Variants in JAZF1 observed in about 807,000 individuals in gnomAD.
JAZF1 encodes the protein JAZF zinc finger 1.
Under a neutral mutation model 26.4 loss-of-function variants are expected in JAZF1, and 8 were observed. The observed-to-expected ratio is 0.30, with a 90% confidence interval of 0.18 to 0.55. JAZF1 has a LOEUF of 0.55. Among genes scored for constraint, JAZF1 ranks in the 20% least tolerant of loss-of-function variants. The pLI, the probability that JAZF1 is intolerant of heterozygous loss-of-function variation, is 0.94. For missense variants in JAZF1, 199 were observed against 322.0 expected (o/e 0.62, Z 2.92); for synonymous variants, 126 against 122.3 (o/e 1.03, Z -0.20).
At chr7:28,070,570 G>A (rs887754744) in intron 1 of JAZF1, among the ~76,000 whole-genome samples, 14 of 152,176 alleles carry the variant, frequency 9.2e-5, no homozygotes, top group African/African-American at 2.7e-4. Flanking sequence ...CCCCATGTCC[G>A]GCTCCGGGCA....
At chr7:28,105,412 T>C (rs1109483) in intron 1 of JAZF1, among the ~76,000 whole-genome samples, 80,287 of 152,014 alleles carry the variant, frequency 0.53, 22,733 homozygotes, top group Non-Finnish European at 0.63. Context: ...ATTAATCTAA[T>C]TGAGCTGAAC....
intron 1 of JAZF1, among the ~76,000 whole-genome samples, chr7:28,128,025 G>A (rs1782725353): frequency 6.6e-6 from 1 of 152,016 alleles, no homozygotes; most frequent in African/African-American, 2.4e-5. Context: ...CCATTTCGGT[G>A]GCCTACCACT....
intron 1 of JAZF1, among the ~76,000 whole-genome samples, chr7:28,176,420 C>T (rs963930938): frequency 6.6e-6 from 1 of 152,218 alleles, no homozygotes; most frequent in Non-Finnish European, 1.5e-5. Flanking sequence ...ACACCTCCTT[C>T]GAGGTTTTGT....
intron 2 of JAZF1, among the ~76,000 whole-genome samples, chr7:27,950,516 T>C (rs1184889431): frequency 6.6e-6 from 1 of 152,114 alleles, no homozygotes; most frequent in Non-Finnish European, 1.5e-5. Context: ...CACGGGACCT[T>C]TGAGTAGGTC....
At chr7:27,912,092 A>T (rs1784367841) in intron 2 of JAZF1, among the ~76,000 whole-genome samples, 1 of 149,900 alleles carries the variant, frequency 6.7e-6, no homozygotes, top group Non-Finnish European at 1.5e-5. Flanking sequence ...TAGAGGACAT[A>T]AGCATCACGT....
chr7:28,091,124 C>A (rs1035725291), intron 1 of JAZF1, among the ~76,000 whole-genome samples: 12 of 152,080 alleles, frequency 7.9e-5, no homozygotes, highest in African/African-American at 2.6e-4. Flanking sequence ...CCGCGCCCGG[C>A]CTTTTTTTTA....
At chr7:27,914,349 A>G (rs1185214706) in intron 2 of JAZF1, among the ~76,000 whole-genome samples, 1 of 152,114 alleles carries the variant, frequency 6.6e-6, no homozygotes, top group Non-Finnish European at 1.5e-5. Flanking sequence ...GAGGGCACAA[A>G]AAATTCTAAA....
At chr7:27,876,192 C>T (rs902790855) in intron 3 of JAZF1, among the ~76,000 whole-genome samples, 18 of 152,250 alleles carry the variant, frequency 1.2e-4, no homozygotes, top group African/African-American at 4.3e-4. Flanking sequence ...GGCTAACCCT[C>T]TAATGCCTCT....
At chr7:28,046,754 A>G (rs181545313) in intron 1 of JAZF1, among the ~76,000 whole-genome samples, 344 of 152,294 alleles carry the variant, frequency 2.3e-3, no homozygotes, top group Middle Eastern at 0.014. Flanking sequence ...AAGTATTTTG[A>G]TATGTTAAAT....
chr7:28,125,499 C>G (rs977869107), intron 1 of JAZF1, among the ~76,000 whole-genome samples: 3 of 152,198 alleles, frequency 2.0e-5, no homozygotes, highest in Admixed American at 2.0e-4. Flanking sequence ...GCTAAAATTA[C>G]TTAACATGTC....
At position 28,154,945 on chromosome 7, in the gene JAZF1, A is replaced by C. The variant is rs545077377; in HGVS notation, c.115+25518T>G. Among the ~76,000 whole-genome samples the C allele has an allele frequency of 2.0e-5, 3 of 152,302 alleles. No individual in the cohort carries two copies. The East Asian group carries it at 5.8e-4, about 29-fold the overall frequency. On this transcript the variant is annotated intron_variant, in intron 1 of 4. Transcript: ENST00000283928. ...AGAGAAAAAGGCAAAACATTAAAAA[A>C]AAAGAAAAGTAAAAGCTTAGAAGTA...
At chr7:28,022,676 T>C (rs1783025967) in intron 1 of JAZF1, among the ~76,000 whole-genome samples, 1 of 152,236 alleles carries the variant, frequency 6.6e-6, no homozygotes, top group Non-Finnish European at 1.5e-5. Flanking sequence ...TTTGCATATA[T>C]ATTTTTAAAA....
intron 1 of JAZF1, among the ~76,000 whole-genome samples, chr7:28,022,760 G>T (rs1208889383): frequency 6.6e-6 from 1 of 151,836 alleles, no homozygotes; most frequent in Non-Finnish European, 1.5e-5. Context: ...TGTTGTTTTT[G>T]TTGTTGTTTG....
intron 1 of JAZF1, among the ~76,000 whole-genome samples, chr7:28,071,105 G>A (rs1444364648): frequency 2.6e-5 from 4 of 152,144 alleles, no homozygotes; most frequent in East Asian, 1.9e-4. Context: ...AAACGGAATC[G>A]GCTCTGGAGA....
chr7:28,081,214 T>TA (rs1318283119), intron 1 of JAZF1, among the ~76,000 whole-genome samples: 1 of 152,206 alleles, frequency 6.6e-6, no homozygotes, highest in East Asian at 1.9e-4. Flanking sequence ...CCAGTGTTGT[T>TA]ACTCTTCAGT....
rs761995472 is a variant in JAZF1 at position 27,832,831 on chromosome 7, G to A, written c.701C>T (p.Ser234Leu). Residue 234 changes from serine (S) to leucine (L), a missense_variant, in exon 5 of 5, where the codon TCG (serine) becomes TTG (leucine). By Grantham distance (145) the Ser-to-Leu change is moderately radical. This residue lies in a region of JAZF1 where 62 missense variants were observed against 137.2 expected (regional missense o/e 0.45). Transcript: ENST00000283928. ...HHTINFHPPV[S>L]AEIIRKMQQ ...CTGCATCTTCCTGATAATCTCAGCCGACACCGGGGGATGGAAATTGATTGT... is the reference window on the plus strand; with the variant it reads ...CTGCATCTTCCTGATAATCTCAGCCAACACCGGGGGATGGAAATTGATTGT... The A allele has an allele frequency of 4.4e-6, 7 of 1,604,524 alleles. No individual in the cohort carries two copies. The highest frequency in any genetic ancestry group is 1.3e-5 in the African/African-American group (1 of 74,622).
intron 2 of JAZF1, among the ~76,000 whole-genome samples, chr7:27,896,495 CCT>C (rs1784065460): frequency 6.6e-6 from 1 of 152,186 alleles, no homozygotes; most frequent in Admixed American, 6.5e-5. Context: ...CCCCCCAAGG[CCT>C]CTCTCCAACA....
intron 2 of JAZF1, among the ~76,000 whole-genome samples, chr7:27,988,113 G>A (rs1352406763): frequency 6.6e-6 from 1 of 151,366 alleles, no homozygotes; most frequent in Non-Finnish European, 1.5e-5. Flanking sequence ...TTTATCTGCT[G>A]ACCTTCCCTC....
intron 2 of JAZF1, among the ~76,000 whole-genome samples, chr7:27,898,311 G>GTT (rs370764659): frequency 0.016 from 1,726 of 111,162 alleles, 106 homozygotes; most frequent in African/African-American, 0.033. Flanking sequence ...ATATACATCG[G>GTT]TTTTTTTTTT....
Sources: gnomAD v4.1 joint callset for allele counts (sites outside exome capture counted in the v4.1 genomes callset) on GRCh38, gnomAD v4.1.1 for gene constraint, gnomAD v4.1.1 regional missense constraint, MANE v1.5 for transcripts, NCBI Gene and HGNC (gene_info 2026-07-23, HGNC 2026-07-21) for gene names.